Variants in JAK2 observed in about 807,000 individuals in gnomAD.
JAK2 encodes Janus kinase 2.
JAK2 carries 86 observed loss-of-function variants against 139.3 expected under a neutral mutation model. The observed-to-expected ratio is 0.62, with a 90% CI of 0.52 to 0.74. JAK2 has a LOEUF of 0.74. JAK2 is among the 30% of genes least tolerant of loss of function. JAK2 has a pLI of 0.00. For missense variants in JAK2, 1,421 were observed against 1,360.3 expected, an observed-to-expected ratio of 1.04 and a Z score of -0.70; for synonymous variants, 490 against 437.7, an observed-to-expected ratio of 1.12 and a Z score of -1.49.
intron 21 of JAK2, 52 bp downstream of exon 21, chr9:5,090,622 G>A: frequency 1.3e-6 from 2 of 1,539,648 alleles, no homozygotes; most frequent in Non-Finnish European, 1.7e-6. Context: ...TGTTGAAGTA[G>A]ACATTAGGAA....
intron 22 of JAK2, chr9:5,112,376 C>T: frequency 4.8e-6 from 2 of 415,416 alleles, no homozygotes; most frequent in South Asian, 5.4e-5. Context: ...GCGAGCAGGC[C>T]ACTGGGGAAA....
At chr9:4,991,538 C>T (rs990072965) in intron 2 of JAK2, among the ~76,000 whole-genome samples, 3 of 152,106 alleles carry the variant, frequency 2.0e-5, no homozygotes, top group Non-Finnish European at 2.9e-5. Context: ...AGGCAACTCA[C>T]GTAATCAGTG....
At chr9:5,080,892 CTTTTT>C (rs33925764) in intron 18 of JAK2, among the ~76,000 whole-genome samples, 21 of 95,576 alleles carry the variant, frequency 2.2e-4, no homozygotes, top group Non-Finnish European at 2.9e-4. Context: ...AAGACCTTTT[CTTTTT>C]TTTTTTTTTT....
In JAK2 at chr9:5,126,817, A is replaced by G. The variant is rs1433392716; in HGVS notation, c.*26A>G. The G allele has an allele frequency of 7.0e-7, 1 of 1,418,572 alleles. No individual in the cohort carries two copies. Among genetic ancestry groups the G allele is most frequent in the South Asian group, 1.2e-5 (1 of 85,374 alleles). 87.9% of individuals were successfully genotyped at this position (1,418,572 alleles called of 1,614,324 possible). ...AAGAAATGACCTTCATTCTGAGACC[A>G]AAGTAGATTTACAGAACAAAGTTTT... On this transcript the variant is annotated 3_prime_UTR_variant, in exon 25 of 25. Coordinates refer to ENST00000381652, the MANE Select transcript of JAK2 (RefSeq NM_004972.4).
intron 22 of JAK2, chr9:5,110,447 C>A (rs1822366818): frequency 6.5e-6 from 1 of 152,672 alleles, no homozygotes; most frequent in Non-Finnish European, 1.5e-5. Flanking sequence ...CATTCCTTCA[C>A]ATGTGCACCC....
chr9:5,129,899 A>C lies in JAK2; in HGVS notation c.*3108A>C, dbSNP rs542795622. ...TAAATATTAAAATATTTACTTTTAT[A>C]ATCTTACCTTTTATTTCAATATAAA... is the stretch of plus-strand genomic sequence containing the variant. On this transcript the variant is annotated 3_prime_UTR_variant, in exon 25 of 25. Transcript: ENST00000381652. 9.2e-5 allele frequency among the ~76,000 whole-genome samples: 14 copies of C among 152,150 alleles called. No individual in the cohort carries two copies. Among genetic ancestry groups the C allele is most frequent in the Non-Finnish European group, 2.1e-4 (14 of 67,996 alleles).
chr9:5,027,320 A>G (rs767664068), intron 3 of JAK2, among the ~76,000 whole-genome samples: 36 of 152,252 alleles, frequency 2.4e-4, no homozygotes, highest in Non-Finnish European at 2.6e-4. Flanking sequence ...GTTATGTTTA[A>G]ATTATTCTGT....
intron 22 of JAK2, among the ~76,000 whole-genome samples, chr9:5,118,503 A>C (rs1274972774): frequency 1.3e-5 from 2 of 152,216 alleles, no homozygotes; most frequent in Non-Finnish European, 2.9e-5. Context: ...AAGCAATGTA[A>C]ATAACAAATT....
chr9:5,112,782 C>A, intron 22 of JAK2: 1 of 587,642 alleles, frequency 1.7e-6, no homozygotes. Flanking sequence ...TTCGGAGGCC[C>A]CCAGATGGTG....
At chr9:4,992,412 A>T (rs964217212) in intron 2 of JAK2, among the ~76,000 whole-genome samples, 2 of 152,178 alleles carry the variant, frequency 1.3e-5, no homozygotes, top group African/African-American at 4.8e-5. Flanking sequence ...TCCAGATTTG[A>T]TGGGGGAGTG....
At chr9:5,075,189 C>T (rs1410952492) in intron 14 of JAK2, among the ~76,000 whole-genome samples, 1 of 151,966 alleles carries the variant, frequency 6.6e-6, no homozygotes, top group East Asian at 1.9e-4. Context: ...ATGTGCACAG[C>T]ATAAGTGCAA....
intron 19 of JAK2, among the ~76,000 whole-genome samples, chr9:5,086,923 T>TATC (rs1820160571): frequency 6.6e-6 from 1 of 152,220 alleles, no homozygotes; most frequent in African/African-American, 2.4e-5. Context: ...TCCACAATTA[T>TATC]ATCACCCCCC....
At chr9:5,037,535 T>C (rs893773549) in intron 4 of JAK2, among the ~76,000 whole-genome samples, 4 of 152,078 alleles carry the variant, frequency 2.6e-5, no homozygotes, top group Non-Finnish European at 5.9e-5. Flanking sequence ...CCATGAAAAA[T>C]GATGAGTTCA....
Position 5,070,114 on chromosome 9 carries a change from G to T in JAK2, c.1641+62G>T, listed in dbSNP as rs548575791. The T allele has an allele frequency of 2.7e-4, 323 of 1,174,568 alleles. 4 individuals carry two copies. The South Asian group carries it at 5.2e-3, about 19-fold the overall frequency. The allele number at this position is 1,174,568 out of a possible 1,614,324, so 72.8% of individuals were successfully genotyped here. On this transcript the variant is annotated intron_variant, in intron 12 of 24. Transcript: ENST00000381652. ...CTTTTAAAACAACATCTGTTTTCTT[G>T]ATTTACATTCATGTGACATTGGAAT...
chr9:5,101,806 G>T (rs1198338258), intron 22 of JAK2, among the ~76,000 whole-genome samples: 1 of 152,172 alleles, frequency 6.6e-6, no homozygotes, highest in African/African-American at 2.4e-5. Flanking sequence ...TGCAGCTGAG[G>T]GACCTGACTG....
chr9:5,000,409 A>T (rs1355356547), intron 2 of JAK2, among the ~76,000 whole-genome samples: 1 of 152,234 alleles, frequency 6.6e-6, no homozygotes, highest in Non-Finnish European at 1.5e-5. Context: ...AGTAATTTTT[A>T]AAAGGGTATT....
intron 22 of JAK2, chr9:5,099,987 T>A (rs1821341251): frequency 6.6e-6 from 1 of 152,188 alleles, no homozygotes; most frequent in African/African-American, 2.4e-5. Flanking sequence ...TAGTAATCAT[T>A]GAAACCATTA....
intron 18 of JAK2, 75 bp from the exon 19 acceptor site, chr9:5,081,650 A>G (rs1167425603): frequency 1.9e-6 from 2 of 1,050,312 alleles, no homozygotes; most frequent in Non-Finnish European, 2.9e-6. Context: ...ATTTTGGTCA[A>G]CTTGAATGTA....
chr9:5,054,209 C>G lies in JAK2; in HGVS notation c.615-354C>G, dbSNP rs1018548982. 6.6e-6 allele frequency among the ~76,000 whole-genome samples: 1 copy of G among 151,818 alleles called. No homozygotes were observed. Among genetic ancestry groups the G allele is most frequent in the African/African-American group, 2.4e-5 (1 of 41,388 alleles). On this transcript the variant is annotated intron_variant, in intron 6 of 24. Transcript: ENST00000381652. This position sits in a 1 kb window ranked among gnomAD's most constrained non-coding sequence, Gnocchi z 4.9. The stretch of plus-strand genomic sequence containing the variant: ...TATTTGTAGCACAGTTCAATATATG[C>G]CAAAATATTATCTTATAAACCATTA...
Sources: allele counts gnomAD v4.1 joint callset (sites outside exome capture counted in the v4.1 genomes callset), GRCh38; gene constraint gnomAD v4.1.1; non-coding constraint Gnocchi (gnomAD v3.1); transcripts MANE v1.5; gene names NCBI Gene and HGNC (gene_info 2026-07-23, HGNC 2026-07-21).